Variants in STXBP6 observed in about 807,000 individuals in gnomAD.
STXBP6 encodes the protein syntaxin binding protein 6.
In STXBP6, 21 loss-of-function variants were observed where a neutral mutation model predicts 26.9. The ratio of observed to expected loss-of-function variants is 0.78; its 90% CI spans 0.55 to 1.12. STXBP6 has a LOEUF of 1.12. STXBP6 is among the 50% of genes most tolerant of loss of function. The pLI is 0.00. For missense variants in STXBP6, 232 were observed against 257.9 expected (o/e 0.90, Z 0.69); for synonymous variants, 97 against 92.6 (o/e 1.05, Z -0.27).
At chr14:24,928,228 G>A (rs2072250909) in intron 2 of STXBP6, among the ~76,000 whole-genome samples, 2 of 152,136 alleles carry the variant, frequency 1.3e-5, no homozygotes, top group Admixed American at 1.3e-4. Context: ...CACTTATACT[G>A]AGGAAGGGAG....
chr14:24,871,114 C>G (rs2069917605), intron 2 of STXBP6, among the ~76,000 whole-genome samples: 1 of 148,330 alleles, frequency 6.7e-6, no homozygotes, highest in African/African-American at 2.5e-5. Context: ...CCATTATGTT[C>G]TTTTTTCACT....
At chr14:24,883,254 T>G (rs932354302) in intron 2 of STXBP6, among the ~76,000 whole-genome samples, 8 of 151,992 alleles carry the variant, frequency 5.3e-5, no homozygotes, top group Non-Finnish European at 8.8e-5. Context: ...TAAAAGCATG[T>G]TTTTTTTTAA....
At position 24,855,991 on chromosome 14, in the gene STXBP6, C is replaced by T. The variant is rs913045136; in HGVS notation, c.396G>A (p.Arg132=). ...FFQILHHTCQ[R]YLTDRKPEFI... Reference sequence around the variant, plus strand: ...ACTCTGGCTTCCTGTCCGTGAGGTACCTCTGGCAGGTATGGTGGAGGATCT... The same window carrying T: ...ACTCTGGCTTCCTGTCCGTGAGGTATCTCTGGCAGGTATGGTGGAGGATCT... Residue 132 remains arginine, a synonymous_variant, in exon 4 of 6, where the codon AGG becomes AGA. Coordinates refer to ENST00000323944, the MANE Select transcript of STXBP6 (RefSeq NM_001394410.1). 6.2e-7 allele frequency: 1 copy of T among 1,611,348 alleles called. No individual in the cohort carries two copies. The highest frequency in any genetic ancestry group is 8.5e-7 in the Non-Finnish European group (1 of 1,178,568).
intron 2 of STXBP6, among the ~76,000 whole-genome samples, chr14:24,944,539 T>A (rs1013314094): frequency 2.0e-5 from 3 of 152,126 alleles, no homozygotes; most frequent in Admixed American, 2.0e-4. Flanking sequence ...AGACATGGCA[T>A]TTTGTCATGT....
chr14:24,843,688 A>ACCAGAAATTCAAAC (rs2068853314), intron 4 of STXBP6, among the ~76,000 whole-genome samples: 2 of 152,186 alleles, frequency 1.3e-5, no homozygotes, highest in African/African-American at 4.8e-5. Flanking sequence ...TAAGTGACAG[A>ACCAGAAATTCAAAC]CCAGAAATTC....
intron 2 of STXBP6, among the ~76,000 whole-genome samples, chr14:24,930,113 G>A (rs922108505): frequency 3.3e-5 from 5 of 152,162 alleles, no homozygotes; most frequent in South Asian, 2.1e-4. Flanking sequence ...AGCTTGCAAC[G>A]AATCCACTTT....
At chr14:24,887,737 A>C (rs150038339) in intron 2 of STXBP6, among the ~76,000 whole-genome samples, 1 of 152,194 alleles carries the variant, frequency 6.6e-6, no homozygotes, top group Non-Finnish European at 1.5e-5. Flanking sequence ...ACACTAAAGG[A>C]AAACCAAAAC....
At chr14:25,042,581 A>T (rs1016462657) in intron 1 of STXBP6, among the ~76,000 whole-genome samples, 1 of 152,228 alleles carries the variant, frequency 6.6e-6, no homozygotes, top group Non-Finnish European at 1.5e-5. Context: ...AACTTGCGCA[A>T]GGTCACGCAC....
chr14:24,977,053 G>C (rs140480047), intron 1 of STXBP6, among the ~76,000 whole-genome samples: 1,640 of 151,610 alleles, frequency 0.011, 21 homozygotes, highest in African/African-American at 0.036. Context: ...AGTAGAGATA[G>C]GGTTTCACTA....
At chr14:24,970,890 G>A (rs1393267005) in intron 2 of STXBP6, among the ~76,000 whole-genome samples, 1 of 152,084 alleles carries the variant, frequency 6.6e-6, no homozygotes, top group Non-Finnish European at 1.5e-5. Flanking sequence ...TTTAATTTTA[G>A]TCATTGCTGA....
At chr14:24,932,977 C>T (rs1228310790) in intron 2 of STXBP6, among the ~76,000 whole-genome samples, 2 of 152,128 alleles carry the variant, frequency 1.3e-5, no homozygotes, top group Admixed American at 6.6e-5. Context: ...AGATTTAAAG[C>T]AGTAGAAAGG....
intron 2 of STXBP6, among the ~76,000 whole-genome samples, chr14:24,918,824 G>A (rs948034163): frequency 6.6e-6 from 1 of 152,004 alleles, no homozygotes; most frequent in Non-Finnish European, 1.5e-5. Context: ...CAAATATTTG[G>A]TCTAAATATA....
At chr14:25,015,380 G>A (rs2075126787) in intron 1 of STXBP6, among the ~76,000 whole-genome samples, 1 of 151,684 alleles carries the variant, frequency 6.6e-6, no homozygotes, top group Non-Finnish European at 1.5e-5. Context: ...CACATACCCT[G>A]CCCACCCAAC....
chr14:24,936,330 T>A (rs960919198), intron 2 of STXBP6, among the ~76,000 whole-genome samples: 1 of 152,172 alleles, frequency 6.6e-6, no homozygotes, highest in Non-Finnish European at 1.5e-5. Context: ...CCTACTGTCA[T>A]TGGATGCACC....
chr14:24,967,869 C>T (rs992549403), intron 2 of STXBP6, among the ~76,000 whole-genome samples: 8 of 152,066 alleles, frequency 5.3e-5, no homozygotes, highest in Non-Finnish European at 1.2e-4. Flanking sequence ...TCCACCACAC[C>T]CCTCCCAAGT....
chr14:24,971,644 C>T (rs1595221340), intron 2 of STXBP6, among the ~76,000 whole-genome samples: 1 of 152,190 alleles, frequency 6.6e-6, no homozygotes, highest in African/African-American at 2.4e-5. Context: ...TTTAATGAAC[C>T]TGCCATTCCC....
intron 2 of STXBP6, among the ~76,000 whole-genome samples, chr14:24,886,379 G>C (rs767765417): frequency 7.2e-5 from 11 of 152,046 alleles, no homozygotes; most frequent in Non-Finnish European, 8.8e-5. Flanking sequence ...CTATAAAATA[G>C]GAACAATAAC....
chr14:24,907,225 G>A (rs552529633), intron 2 of STXBP6, among the ~76,000 whole-genome samples: 4 of 151,954 alleles, frequency 2.6e-5, no homozygotes, highest in East Asian at 1.9e-4. Flanking sequence ...CTAATTACTC[G>A]GATTTAATCA....
At chr14:24,931,996 C>A (rs755042485) in intron 2 of STXBP6, among the ~76,000 whole-genome samples, 1 of 151,692 alleles carries the variant, frequency 6.6e-6, no homozygotes, top group Non-Finnish European at 1.5e-5. Context: ...GCCCATAAGG[C>A]GATAAAGGGT....
Sources: allele counts gnomAD v4.1 joint callset (sites outside exome capture counted in the v4.1 genomes callset), GRCh38; gene constraint gnomAD v4.1.1; transcripts MANE v1.5; gene names NCBI Gene and HGNC (gene_info 2026-07-23, HGNC 2026-07-21).